The following PKNOX2 variants were observed in gnomAD, a reference collection of about 807,000 sequenced individuals.
PKNOX2 encodes homeobox protein PKNOX2.
PKNOX2 carries 14 observed loss-of-function variants against 53.1 expected under a neutral mutation model. The ratio of observed to expected loss-of-function variants is 0.26; its 90% CI spans 0.17 to 0.41. PKNOX2 has a LOEUF of 0.41. Among genes scored for constraint, PKNOX2 ranks in the 10% least tolerant of loss-of-function variants. The probability of loss-of-function intolerance (pLI) is 1.00; values close to 1 mark genes in which losing one functional copy is unlikely to be tolerated. For synonymous variants in PKNOX2, 257 were observed against 242.8 expected (o/e 1.06, Z -0.54); for missense variants, 496 against 602.8 (o/e 0.82, Z 1.85).
intron 1 of PKNOX2, among the ~76,000 whole-genome samples, chr11:125,169,031 T>C (rs1955091672): frequency 6.6e-6 from 1 of 152,182 alleles, no homozygotes; most frequent in Non-Finnish European, 1.5e-5. Context: ...AGAAAGGCTG[T>C]TATGAGTTTT....
intron 2 of PKNOX2, among the ~76,000 whole-genome samples, chr11:125,323,011 G>C (rs1005648698): frequency 2.0e-5 from 3 of 152,188 alleles, no homozygotes; most frequent in African/African-American, 4.8e-5. Context: ...GCAGAGCAAG[G>C]AGTCCCCTGA....
intron 6 of PKNOX2, among the ~76,000 whole-genome samples, chr11:125,387,041 C>G (rs1249723331): frequency 6.6e-6 from 1 of 152,216 alleles, no homozygotes; most frequent in Non-Finnish European, 1.5e-5. Flanking sequence ...GTTTCCCTGG[C>G]TGGGATTGGC....
At chr11:125,286,063 G>A (rs1946876040) in intron 2 of PKNOX2, among the ~76,000 whole-genome samples, 1 of 152,120 alleles carries the variant, frequency 6.6e-6, no homozygotes, top group Non-Finnish European at 1.5e-5. Context: ...GTGAGAGACG[G>A]GGCAGTGTGA....
chr11:125,385,824 G>A, intron 6 of PKNOX2, 102 bp downstream of exon 6: 1 of 1,374,358 alleles, frequency 7.3e-7, no homozygotes, highest in East Asian at 2.7e-5. Context: ...CCAACAAAAG[G>A]TTTTGAGTGC....
chr11:125,234,592 C>T (rs1942509966), intron 1 of PKNOX2, among the ~76,000 whole-genome samples: 2 of 152,174 alleles, frequency 1.3e-5, no homozygotes, highest in Admixed American at 1.3e-4. Context: ...TTGTCGTTTG[C>T]TTGCCTTTTG....
At position 125,359,926 on chromosome 11, in the gene PKNOX2, G is replaced by A. The variant is rs140045466; in HGVS notation, c.88-7920G>A. 6.2e-4 allele frequency among the ~76,000 whole-genome samples: 94 copies of A among 152,292 alleles called. 1 individual carries two copies. In the East Asian group the frequency reaches 0.014, roughly 22 times the overall value. On this transcript the variant is annotated intron_variant, in intron 4 of 12. Coordinates refer to ENST00000298282, the MANE Select transcript of PKNOX2 (RefSeq NM_001382323.2). ...TTTAGTAGAGATGGAGGTTCTCCATGTTGGTCAGGCTGGTCTCGAACTCCC... is the reference window on the plus strand; with the variant it reads ...TTTAGTAGAGATGGAGGTTCTCCATATTGGTCAGGCTGGTCTCGAACTCCC...
intron 2 of PKNOX2, among the ~76,000 whole-genome samples, chr11:125,271,175 C>G (rs1309283834): frequency 6.6e-6 from 1 of 152,168 alleles, no homozygotes; most frequent in African/African-American, 2.4e-5. Flanking sequence ...GGACTGAATT[C>G]TACCCAGACT....
chr11:125,317,054 G>T (rs2136042639), intron 2 of PKNOX2, among the ~76,000 whole-genome samples: 2 of 152,284 alleles, frequency 1.3e-5, no homozygotes, highest in East Asian at 3.9e-4. Context: ...TCTTCACCAG[G>T]AGGAGATTCC....
chr11:125,424,334 T>G (rs565116010), intron 10 of PKNOX2, among the ~76,000 whole-genome samples: 1 of 152,314 alleles, frequency 6.6e-6, no homozygotes, highest in South Asian at 2.1e-4. Context: ...ATTGTGCTTC[T>G]CTTTATTCTA....
chr11:125,229,547 G>T (rs1240566261), intron 1 of PKNOX2, among the ~76,000 whole-genome samples: 1 of 152,202 alleles, frequency 6.6e-6, no homozygotes, highest in African/African-American at 2.4e-5. Context: ...AGTCAATAAG[G>T]AGTCGTGGAA....
At chr11:125,295,080 T>C (rs1947560890) in intron 2 of PKNOX2, among the ~76,000 whole-genome samples, 3 of 151,580 alleles carry the variant, frequency 2.0e-5, no homozygotes, top group African/African-American at 7.3e-5. Context: ...TAGAGGCGGG[T>C]CCACAGTGTG....
chr11:125,203,803 A>AGTGTGTCCAT (rs1369526226), intron 1 of PKNOX2, among the ~76,000 whole-genome samples: 1 of 152,116 alleles, frequency 6.6e-6, no homozygotes, highest in Non-Finnish European at 1.5e-5. Context: ...GCACCTGGAG[A>AGTGTGTCCAT]GTGTGTCCAT....
At chr11:125,170,132 TAGC>T (rs1167299145) in intron 1 of PKNOX2, among the ~76,000 whole-genome samples, 1 of 152,144 alleles carries the variant, frequency 6.6e-6, no homozygotes, top group Non-Finnish European at 1.5e-5. Flanking sequence ...GAACCTCTCT[TAGC>T]AGTCTCTGCT....
At chr11:125,354,083 G>C in intron 4 of PKNOX2, among the ~76,000 whole-genome samples, 1 of 152,200 alleles carries the variant, frequency 6.6e-6, no homozygotes, top group East Asian at 1.9e-4. Flanking sequence ...CAGCTCTTCC[G>C]TGCATGCCTG....
At chr11:125,215,757 A>AAGCT (rs1940427167) in intron 1 of PKNOX2, among the ~76,000 whole-genome samples, 1 of 152,112 alleles carries the variant, frequency 6.6e-6, no homozygotes, top group African/African-American at 2.4e-5. Context: ...GTCTCAAAAT[A>AAGCT]AACTAACTAA....
intron 2 of PKNOX2, among the ~76,000 whole-genome samples, chr11:125,328,172 C>T (rs1039362360): frequency 6.6e-6 from 1 of 152,202 alleles, no homozygotes; most frequent in African/African-American, 2.4e-5. Flanking sequence ...TCCTCCCCTC[C>T]CCAGCCCTGA....
At chr11:125,330,558 C>A (rs1327182389) in intron 2 of PKNOX2, among the ~76,000 whole-genome samples, 1 of 152,038 alleles carries the variant, frequency 6.6e-6, no homozygotes, top group Non-Finnish European at 1.5e-5. Flanking sequence ...CCCTGCTTAT[C>A]CTTGCTTCCT....
In PKNOX2 at chr11:125,428,124, C is replaced by G. The variant is rs144308213; in HGVS notation, c.937-888C>G. Among the ~76,000 whole-genome samples the G allele has an allele frequency of 5.9e-5, 9 of 152,264 alleles. No individual in the cohort carries two copies. In the South Asian group the frequency reaches 1.5e-3, roughly 25 times the overall value. On this transcript the variant is annotated intron_variant, in intron 10 of 12. Transcript: ENST00000298282. ...GTATGTCATTTGTATGTGGAAGGCACTGGGGATACATTCAGTATCCCAGTG... is the reference window on the plus strand; with the variant it reads ...GTATGTCATTTGTATGTGGAAGGCAGTGGGGATACATTCAGTATCCCAGTG...
intron 2 of PKNOX2, among the ~76,000 whole-genome samples, chr11:125,317,338 C>T (rs900350681): frequency 1.2e-4 from 19 of 152,318 alleles, no homozygotes; most frequent in Non-Finnish European, 5.9e-5. Context: ...CTTAATGGCA[C>T]TAGAATGGTG....
Sources: gnomAD v4.1 joint callset for allele counts (sites outside exome capture counted in the v4.1 genomes callset) on GRCh38, gnomAD v4.1.1 for gene constraint, MANE v1.5 for transcripts, NCBI Gene and HGNC (gene_info 2026-07-23, HGNC 2026-07-21) for gene names.